Variants in KCNC2 observed in about 807,000 individuals in gnomAD.
KCNC2 encodes potassium voltage-gated channel subfamily C member 2, also known as voltage-gated potassium channel KCNC2.
In KCNC2, 21 loss-of-function variants were observed where a neutral mutation model predicts 44.5. The ratio of observed to expected loss-of-function variants is 0.47; its 90% CI spans 0.33 to 0.68. KCNC2 has a LOEUF of 0.68. Ranked by LOEUF, KCNC2 falls within the 30% of genes least tolerant of loss-of-function variation. The pLI is 0.01. For missense variants in KCNC2, 589 were observed against 826.2 expected, an observed-to-expected ratio of 0.71 and a Z score of 3.52; for synonymous variants, 391 against 339.1, an observed-to-expected ratio of 1.15 and a Z score of -1.68.
Position 75,090,552 on chromosome 12 carries a change from T to C in KCNC2, c.688-39235A>G, listed in dbSNP as rs1026044875. Among the ~76,000 whole-genome samples the C allele has an allele frequency of 2.0e-5, 3 of 151,672 alleles. No individual in the cohort carries two copies. In the South Asian group the frequency reaches 6.2e-4, roughly 31 times the overall value. ...AAGGAATTTCAGGATCCTTTACCCC[T>C]GCCACCAGTGACCCCTTACAAGCCT... is the stretch of plus-strand genomic sequence containing the variant. On this transcript the variant is annotated intron_variant, in intron 2 of 4. Coordinates refer to ENST00000549446, the MANE Select transcript of KCNC2 (RefSeq NM_139137.4).
intron 2 of KCNC2, among the ~76,000 whole-genome samples, chr12:75,140,856 A>G (rs1889600249): frequency 6.6e-6 from 1 of 152,024 alleles, no homozygotes; most frequent in Non-Finnish European, 1.5e-5. Flanking sequence ...TTCCTCCAGA[A>G]CACCATTTAG....
chr12:75,091,605 T>C (rs1230425814), intron 2 of KCNC2, among the ~76,000 whole-genome samples: 1 of 151,764 alleles, frequency 6.6e-6, no homozygotes, highest in East Asian at 1.9e-4. Flanking sequence ...AGAAAGTCTT[T>C]ACTCTCTGCG....
At chr12:75,149,206 T>A (rs1172601472) in intron 2 of KCNC2, among the ~76,000 whole-genome samples, 1 of 150,740 alleles carries the variant, frequency 6.6e-6, no homozygotes, top group African/African-American at 2.4e-5. Context: ...TTTGTGTCTG[T>A]GTGTGTGTGT....
At chr12:75,114,426 T>C (rs1325682354) in intron 2 of KCNC2, among the ~76,000 whole-genome samples, 2 of 152,150 alleles carry the variant, frequency 1.3e-5, no homozygotes. Flanking sequence ...TAACATCTAA[T>C]AAATACCAAG....
rs751731624 is a variant in KCNC2 at position 75,207,768 on chromosome 12, G to C, written c.216C>G (p.Pro72=). 24 of 1,573,356 alleles carry C rather than the reference G, an allele frequency of 1.5e-5. No individual in the cohort carries two copies. The South Asian group carries it at 1.8e-4, about 12-fold the overall frequency. ...CGCCCTCGAAGCAGCCGCCTGGCCC[G>C]GGGGACAGCGGGGGCGCTCTCGGCG... ...SPPPRAPPLS[P]GPGGCFEGGA... Residue 72 remains proline, a synonymous_variant, in exon 2 of 5, where the codon CCC becomes CCG. Transcript: ENST00000549446. This position sits in a 1 kb window ranked among gnomAD's most constrained non-coding sequence, Gnocchi z 4.1.
intron 2 of KCNC2, among the ~76,000 whole-genome samples, chr12:75,201,739 C>CA (rs2031294202): frequency 1.3e-5 from 2 of 151,674 alleles, no homozygotes; most frequent in African/African-American, 4.8e-5. Context: ...GCACGGAAGG[C>CA]AAAAAAGCAG....
At chr12:75,165,139 A>G (rs1027999318) in intron 2 of KCNC2, among the ~76,000 whole-genome samples, 3 of 151,674 alleles carry the variant, frequency 2.0e-5, no homozygotes, top group African/African-American at 7.3e-5. Context: ...TGATAGAGGC[A>G]ATTTTTATTT....
chr12:75,131,906 T>C (rs1377918490), intron 2 of KCNC2, among the ~76,000 whole-genome samples: 1 of 152,198 alleles, frequency 6.6e-6, no homozygotes, highest in East Asian at 1.9e-4. Context: ...CAGCTTTGCG[T>C]GGACTTCTGC....
chr12:75,088,951 C>T (rs541090306), intron 2 of KCNC2, among the ~76,000 whole-genome samples: 137 of 151,884 alleles, frequency 9.0e-4, no homozygotes, highest in African/African-American at 3.1e-3. Flanking sequence ...GTGATAACCT[C>T]CACAGCCCCA....
chr12:75,115,564 G>C (rs1358848723), intron 2 of KCNC2, among the ~76,000 whole-genome samples: 1 of 152,136 alleles, frequency 6.6e-6, no homozygotes, highest in Non-Finnish European at 1.5e-5. Flanking sequence ...ATGATTATTA[G>C]TGCTTTTGCC....
At chr12:75,068,171 G>A (rs1467542762) in intron 2 of KCNC2, among the ~76,000 whole-genome samples, 3 of 152,188 alleles carry the variant, frequency 2.0e-5, no homozygotes, top group Non-Finnish European at 2.9e-5. Flanking sequence ...TTAGTGATGA[G>A]TGTGGTGTTG....
At chr12:75,182,225 C>T (rs1892631804) in intron 2 of KCNC2, among the ~76,000 whole-genome samples, 2 of 151,698 alleles carry the variant, frequency 1.3e-5, no homozygotes, top group Admixed American at 1.3e-4. Context: ...CTGCTTGTCA[C>T]TTAGAAAGCA....
At chr12:75,144,175 T>A (rs1889852190) in intron 2 of KCNC2, among the ~76,000 whole-genome samples, 1 of 152,240 alleles carries the variant, frequency 6.6e-6, no homozygotes, top group Admixed American at 6.5e-5. Context: ...CCATCATTAC[T>A]TTTTAAATTA....
chr12:75,067,479 T>A (rs937001447), intron 2 of KCNC2, among the ~76,000 whole-genome samples: 1 of 152,108 alleles, frequency 6.6e-6, no homozygotes, highest in Non-Finnish European at 1.5e-5. Flanking sequence ...ATATGAACAG[T>A]CCTATGAGAA....
chr12:75,052,173 C>A (rs1021318931), intron 2 of KCNC2, among the ~76,000 whole-genome samples: 2 of 152,014 alleles, frequency 1.3e-5, no homozygotes, highest in African/African-American at 4.8e-5. Context: ...TAATTTACAT[C>A]ATTAACTCAC....
At chr12:75,059,901 T>C (rs574665341) in intron 2 of KCNC2, among the ~76,000 whole-genome samples, 34 of 152,230 alleles carry the variant, frequency 2.2e-4, no homozygotes, top group Non-Finnish European at 4.4e-5. Flanking sequence ...TAAAATCTGG[T>C]AATCTCATCT....
intron 2 of KCNC2, among the ~76,000 whole-genome samples, chr12:75,093,353 G>A (rs747252135): frequency 4.6e-5 from 7 of 151,400 alleles, no homozygotes; most frequent in Non-Finnish European, 7.4e-5. Flanking sequence ...TTGTCAAAAC[G>A]TGTTCCTACC....
intron 2 of KCNC2, among the ~76,000 whole-genome samples, chr12:75,153,487 G>T (rs986875532): frequency 6.6e-6 from 1 of 151,738 alleles, no homozygotes; most frequent in Non-Finnish European, 1.5e-5. Flanking sequence ...GTGAGAAGGG[G>T]CTGAAAGATA....
intron 2 of KCNC2, among the ~76,000 whole-genome samples, chr12:75,153,628 T>C (rs1890559934): frequency 6.6e-6 from 1 of 151,204 alleles, no homozygotes; most frequent in Non-Finnish European, 1.5e-5. Flanking sequence ...ATAATAATAA[T>C]AATAATTTTT....
Sources: gnomAD v4.1 joint callset for allele counts (sites outside exome capture counted in the v4.1 genomes callset) on GRCh38, gnomAD v4.1.1 for gene constraint, Gnocchi (gnomAD v3.1) non-coding constraint, MANE v1.5 for transcripts, NCBI Gene and HGNC (gene_info 2026-07-23, HGNC 2026-07-21) for gene names.